Variants in KCNC4 observed in about 807,000 individuals in gnomAD.
KCNC4 encodes the protein potassium voltage-gated channel subfamily C member 4.
KCNC4 carries 23 observed loss-of-function variants against 42.8 expected under a neutral mutation model. The observed-to-expected ratio is 0.54, with a 90% CI of 0.39 to 0.76. The LOEUF (loss-of-function observed/expected upper bound fraction) is 0.76. KCNC4 is among the 30% of genes least tolerant of loss of function. The pLI, the probability that KCNC4 is intolerant of heterozygous loss-of-function variation, is 0.00. For synonymous variants in KCNC4, 422 were observed against 393.5 expected (o/e 1.07, Z -0.86); for missense variants, 751 against 898.2 (o/e 0.84, Z 2.10).
chr1:110,236,727 G>A (rs1471973404), downstream of KCNC4: 1 of 152,166 alleles, frequency 6.6e-6, no homozygotes, highest in East Asian at 1.9e-4. Context: ...GTGGGGGTAG[G>A]ACTGCTCTGG....
At chr1:110,232,267 T>C (rs760504668) in intron 3 of KCNC4, 9 of 1,613,866 alleles carry the variant, frequency 5.6e-6, no homozygotes, top group Non-Finnish European at 6.8e-6. Flanking sequence ...CACCTGAGGC[T>C]GCATGCCCTC....
intron 1 of KCNC4, among the ~76,000 whole-genome samples, chr1:110,258,027 AG>A (rs1297920442): frequency 3.3e-5 from 5 of 152,218 alleles, no homozygotes; most frequent in Admixed American, 2.6e-4. Flanking sequence ...CGCACTTGCC[AG>A]TAAGGGAGGT....
downstream of KCNC4, among the ~76,000 whole-genome samples, chr1:110,253,664 A>T (rs886395879): frequency 5.9e-5 from 9 of 152,174 alleles, no homozygotes; most frequent in African/African-American, 2.2e-4. Flanking sequence ...CAGGCCACAG[A>T]TAATCAACTG....
At chr1:110,249,483 TC>T (rs139613358), downstream of KCNC4, among the ~76,000 whole-genome samples, 45 of 152,176 alleles carry the variant, frequency 3.0e-4, no homozygotes, top group Non-Finnish European at 5.3e-4. Context: ...CCACCTCCCC[TC>T]CCTCGGCCCG....
downstream of KCNC4, among the ~76,000 whole-genome samples, chr1:110,254,100 GC>G (rs139006318): frequency 0.1 from 13,948 of 133,726 alleles, 1,491 homozygotes; most frequent in African/African-American, 0.19. Context: ...CGGGGGGGGG[GC>G]GGCGTTTCTG....
In KCNC4 at chr1:110,223,303, C is replaced by T. The variant is rs201121916; in HGVS notation, c.1018C>T (p.Arg340Cys). 116 of 1,614,122 alleles carry T rather than the reference C, an allele frequency of 7.2e-5. No homozygotes were observed. Among genetic ancestry groups the T allele is most frequent in the Middle Eastern group, 1.7e-4 (1 of 6,060 alleles). The part of the protein sequence containing the change: ...GLSGLSSKAA[R>C]DVLGFLRVVR... ...GAGCGGCCTGTCATCCAAGGCGGCC[C>T]GCGACGTGCTGGGCTTCCTGCGCGT... Residue 340 changes from arginine to cysteine, a missense_variant, in exon 2 of 4, where the codon CGC becomes TGC. Arg to Cys is a radical substitution (Grantham distance 180). Around this residue, in one of 4 missense-constraint regions of KCNC4, gnomAD observed 185 missense variants for 293.7 expected, o/e 0.63. Coordinates refer to ENST00000438661, the MANE Select transcript of KCNC4 (RefSeq NM_001039574.3). The surrounding 1 kb of genome is among the most constrained non-coding windows in gnomAD (Gnocchi z 7.5).
intron 3 of KCNC4, 183 bp from the exon 4 acceptor site, chr1:110,232,728 A>G: frequency 6.6e-7 from 1 of 1,518,616 alleles, no homozygotes; most frequent in Non-Finnish European, 8.8e-7. Flanking sequence ...CATGCCTTCC[A>G]GCTCTGCTCC....
intron 1 of KCNC4, among the ~76,000 whole-genome samples, chr1:110,273,859 G>A (rs114922686): frequency 8.9e-4 from 135 of 152,312 alleles, no homozygotes; most frequent in African/African-American, 2.9e-3. Flanking sequence ...TTCTGAGGGA[G>A]TCATCCAAAT....
At chr1:110,269,337 C>T (rs1659601322) in intron 1 of KCNC4, among the ~76,000 whole-genome samples, 1 of 152,206 alleles carries the variant, frequency 6.6e-6, no homozygotes, top group Non-Finnish European at 1.5e-5. Flanking sequence ...CAACTTCCCC[C>T]ATCGCCAGCT....
At chr1:110,274,270 A>G (rs988730351) in intron 1 of KCNC4, among the ~76,000 whole-genome samples, 1 of 152,248 alleles carries the variant, frequency 6.6e-6, no homozygotes, top group African/African-American at 2.4e-5. Context: ...ACCTAGGAAT[A>G]TATTTAACCA....
intron 1 of KCNC4, chr1:110,220,514 C>T (rs767696714): frequency 6.6e-6 from 1 of 151,156 alleles, no homozygotes; most frequent in South Asian, 2.1e-4. Flanking sequence ...GCAGCTCTTC[C>T]TGAACTTGTT....
chr1:110,212,960 GCTT>G (rs1241879934), intron 1 of KCNC4, among the ~76,000 whole-genome samples: 1 of 151,956 alleles, frequency 6.6e-6, no homozygotes, highest in Non-Finnish European at 1.5e-5. Context: ...TTTTGTTGCC[GCTT>G]CTTTTCTTTC....
chr1:110,274,241 T>C (rs1233443023), intron 1 of KCNC4, among the ~76,000 whole-genome samples: 1 of 151,982 alleles, frequency 6.6e-6, no homozygotes, highest in Non-Finnish European at 1.5e-5. Flanking sequence ...CCATTTACAA[T>C]AGCCACCAAA....
At position 110,280,291 on chromosome 1, in the gene KCNC4, TG is replaced by T. The variant is rs201880987; in HGVS notation, n.31-2242del. On this transcript the variant is annotated intron_variant and non_coding_transcript_variant, in intron 1 of 2. Coordinates refer to the KCNC4 transcript ENST00000412512. ...CCAGTGTGCCTCCAAAGCTGGTCTT[TG>T]TAAAGCCCTTCAAACAGAGAGATTC... is the stretch of plus-strand genomic sequence containing the variant. Among the ~76,000 whole-genome samples the T allele has an allele frequency of 9.5e-3, 1,450 of 152,174 alleles. 9 individuals are homozygous for T. Among genetic ancestry groups the T allele is most frequent in the Non-Finnish European group, 0.016 (1,096 of 68,006 alleles).
chr1:110,243,102 C>T (rs565889420), exon 4 of KCNC4: 1 of 152,374 alleles, frequency 6.6e-6, no homozygotes, highest in South Asian at 2.1e-4. Context: ...TGGCTCTAGA[C>T]CCAGGCAGTA....
chr1:110,272,166 C>T (rs566858728), intron 1 of KCNC4, among the ~76,000 whole-genome samples: 2 of 152,304 alleles, frequency 1.3e-5, no homozygotes, highest in South Asian at 4.1e-4. Context: ...TGTGACCATC[C>T]AGCTACAGCT....
chr1:110,229,771 C>T (rs1188408236), intron 3 of KCNC4, among the ~76,000 whole-genome samples: 2 of 152,138 alleles, frequency 1.3e-5, no homozygotes, highest in Non-Finnish European at 2.9e-5. Flanking sequence ...CCCACCTGCT[C>T]CTGCCGCTCC....
At chr1:110,268,734 T>A (rs533868933) in intron 1 of KCNC4, among the ~76,000 whole-genome samples, 200 of 148,696 alleles carry the variant, frequency 1.3e-3, no homozygotes, top group African/African-American at 3.5e-3. Flanking sequence ...GATTTTATTT[T>A]TTTTTTTTTT....
At chr1:110,255,325 T>C (rs1258267678) in intron 1 of KCNC4, among the ~76,000 whole-genome samples, 7 of 152,184 alleles carry the variant, frequency 4.6e-5, no homozygotes. Context: ...GGAGGTCCTC[T>C]TCACTTCACC....
Sources: gnomAD v4.1 joint callset for allele counts (sites outside exome capture counted in the v4.1 genomes callset) on GRCh38, gnomAD v4.1.1 for gene constraint, gnomAD v4.1.1 regional missense constraint, Gnocchi (gnomAD v3.1) non-coding constraint, MANE v1.5 for transcripts, NCBI Gene and HGNC (gene_info 2026-07-23, HGNC 2026-07-21) for gene names.